Variants in CATSPERG observed in about 807,000 individuals in gnomAD.
CATSPERG encodes cation channel sperm-associated auxiliary subunit gamma.
CATSPERG carries 115 observed loss-of-function variants against 145.0 expected under a neutral mutation model. That is an observed-to-expected ratio of 0.79 (90% CI 0.68 to 0.93). CATSPERG has a LOEUF of 0.93. Among genes scored for constraint, CATSPERG ranks in the 40% least tolerant of loss-of-function variants. The pLI is 0.00. For synonymous variants in CATSPERG, 588 were observed against 589.0 expected (o/e 1.00, Z 0.02); for missense variants, 1,296 against 1,490.1 (o/e 0.87, Z 2.14).
intron 7 of CATSPERG, among the ~76,000 whole-genome samples, chr19:38,347,517 A>G (rs1970060907): frequency 6.6e-6 from 1 of 152,236 alleles, no homozygotes. Flanking sequence ...GAGAGCCTAT[A>G]TTATCCCAGA....
intron 8 of CATSPERG, among the ~76,000 whole-genome samples, chr19:38,352,970 G>T (rs1970171632): frequency 6.7e-6 from 1 of 148,850 alleles, no homozygotes; most frequent in Admixed American, 6.8e-5. Flanking sequence ...TGAGGCTGCA[G>T]TGAGCTATGA....
chr19:38,351,937 G>A (rs146046733), intron 7 of CATSPERG, among the ~76,000 whole-genome samples: 53 of 152,218 alleles, frequency 3.5e-4, no homozygotes, highest in African/African-American at 9.9e-4. Flanking sequence ...GCGAGCATGG[G>A]GTGTTGTATC....
At chr19:38,337,905 C>A (rs112235607) in intron 3 of CATSPERG, 80 of 331,426 alleles carry the variant, frequency 2.4e-4, no homozygotes, top group African/African-American at 1.2e-3. Flanking sequence ...TTGGTAGAGA[C>A]AGGGTTTCAC....
chr19:38,341,657 T>G (rs1359595700), intron 3 of CATSPERG, among the ~76,000 whole-genome samples: 3 of 151,816 alleles, frequency 2.0e-5, no homozygotes. Context: ...ATCCCAGCAC[T>G]TTGGGAGGCC....
In CATSPERG at chr19:38,360,576, C is replaced by T. The variant is rs1336558133; in HGVS notation, c.1696C>T (p.Gln566Ter). The change falls in exon 15 of 29, where the codon CAA becomes TAA. Residue 566 changes from glutamine (Q) to a stop codon, truncating the protein, a stop_gained. Transcript: ENST00000409235. LOFTEE classifies it high-confidence loss of function. ...WQVHISLKLM[Q>*]QSSLYASNET... ...GGTGCACATCAGCTTAAAGCTGATG[C>T]AACAGTCCTCTCTCTACGCATCCAA... is the stretch of plus-strand genomic sequence containing the variant. The T allele has an allele frequency of 6.2e-7, 1 of 1,613,982 alleles. No individual in the cohort carries two copies. The highest frequency in any genetic ancestry group is 8.5e-7 in the Non-Finnish European group (1 of 1,179,954).
In CATSPERG at chr19:38,360,627, G is replaced by A. The variant is rs1267927482; in HGVS notation, c.1747G>A (p.Glu583Lys). ...TGAGACCATGCTGACCCTCTTCTAC[G>A]AAGACAGCAAACTGTACCAGGTGCC... is the stretch of plus-strand genomic sequence containing the variant. The part of the protein sequence containing the change: ...SNETMLTLFY[E>K]DSKLYQLVYL... Residue 583 changes from glutamate to lysine, a missense_variant, in exon 15 of 29, where the codon GAA (glutamate) becomes AAA (lysine). By Grantham distance (56) the Glu-to-Lys change is moderately conservative. Coordinates refer to ENST00000409235, the MANE Select transcript of CATSPERG (RefSeq NM_021185.5). The A allele has an allele frequency of 6.8e-6, 11 of 1,614,212 alleles. No homozygotes were observed. Among genetic ancestry groups the A allele is most frequent in the Non-Finnish European group, 8.5e-6 (10 of 1,180,038 alleles).
Position 38,344,870 on chromosome 19 carries a change from CACACACACACACAT to C in CATSPERG, c.669+504_669+517del, listed in dbSNP as rs1367693904. ...GTACATGAACAGACACACACACACACACACACACACACATATATATATATATATATATTTTTTTT... is the reference window on the plus strand; with the variant it reads ...GTACATGAACAGACACACACACACACATATATATATATATATATTTTTTTT... On this transcript the variant is annotated intron_variant, in intron 6 of 28. Transcript: ENST00000409235. Among the ~76,000 whole-genome samples the C allele has an allele frequency of 5.0e-3, 555 of 111,856 alleles. 26 individuals are homozygous for C. Among genetic ancestry groups the C allele is most frequent in the East Asian group, 0.046 (140 of 3,014 alleles). The allele number at this position is 111,856 out of a possible 152,430, so 73.4% of individuals were successfully genotyped here. A position where few individuals can be genotyped will look rare whatever the true frequency, so the allele number is the denominator to read the frequency against.
chr19:38,346,043 C>A (rs888683387), intron 6 of CATSPERG, among the ~76,000 whole-genome samples: 1 of 152,100 alleles, frequency 6.6e-6, no homozygotes, highest in Non-Finnish European at 1.5e-5. Context: ...GCGGTAAGCG[C>A]TCTGGAGAGA....
chr19:38,347,351 C>G (rs2145075144), intron 7 of CATSPERG, among the ~76,000 whole-genome samples: 1 of 152,170 alleles, frequency 6.6e-6, no homozygotes, highest in African/African-American at 2.4e-5. Context: ...GCACTCCAGC[C>G]TGGGCGACAG....
intron 4 of CATSPERG, 111 bp downstream of exon 4, chr19:38,343,835 C>A: frequency 7.1e-7 from 1 of 1,414,080 alleles, no homozygotes; most frequent in Non-Finnish European, 9.5e-7. Flanking sequence ...GGGAGCTCAG[C>A]ACATTCCATG....
chr19:38,367,580 C>T lies in CATSPERG; in HGVS notation c.2834+8C>T, dbSNP rs753350734. 1.2e-4 allele frequency: 193 copies of T among 1,613,862 alleles called. No homozygotes were observed. Among genetic ancestry groups the T allele is most frequent in the Middle Eastern group, 6.6e-4 (4 of 6,062 alleles). ...CGGCAGTTTCCAGGGCAGGTAAAGG[C>T]GTGGCCAGCTTGCAGCTAGGGCAGG... On this transcript the variant is annotated splice_region_variant and intron_variant, in intron 24 of 28. Coordinates refer to ENST00000409235, the MANE Select transcript of CATSPERG (RefSeq NM_021185.5).
At position 38,360,711 on chromosome 19, in the gene CATSPERG, G is replaced by A. The variant is rs569206310; in HGVS notation, c.1768-20G>A. 9.0e-5 allele frequency: 145 copies of A among 1,614,064 alleles called. No homozygotes were observed. In the Admixed American group the frequency reaches 2.1e-3, roughly 24 times the overall value. Reference sequence around the variant, plus strand: ...AGGAGGGCTGACCCCAGCTCACCTGGCCCTGCCTTCCCCCTGCAGCTGGTG... The same window carrying A: ...AGGAGGGCTGACCCCAGCTCACCTGACCCTGCCTTCCCCCTGCAGCTGGTG... On this transcript the variant is annotated intron_variant, in intron 15 of 28. Coordinates refer to ENST00000409235, the MANE Select transcript of CATSPERG (RefSeq NM_021185.5).
intron 6 of CATSPERG, among the ~76,000 whole-genome samples, chr19:38,345,400 C>T (rs952900143): frequency 3.9e-5 from 6 of 152,000 alleles, no homozygotes; most frequent in Non-Finnish European, 8.8e-5. Context: ...TACCATGTTG[C>T]CAGGGTGGTC....
At position 38,361,828 on chromosome 19, in the gene CATSPERG, C is replaced by T; in HGVS notation, c.2061C>T (p.Tyr687=). The T allele has an allele frequency of 6.2e-7, 1 of 1,612,128 alleles. No individual in the cohort carries two copies. The highest frequency in any genetic ancestry group is 8.5e-7 in the Non-Finnish European group (1 of 1,179,330). ...TCGCCATCTACCAGGGCCTGGTCTA[C>T]TACCTGCTGTGGCTGCACTCCGTGT... ...NSLAIYQGLV[Y]YLLWLHSVYD... is the part of the protein sequence containing the mutation. The change falls in exon 17 of 29, where the codon TAC becomes TAT. Residue 687 remains tyrosine (Y), a synonymous_variant. Coordinates refer to ENST00000409235, the MANE Select transcript of CATSPERG (RefSeq NM_021185.5).
At chr19:38,343,408 G>C (rs1275933402) in intron 3 of CATSPERG, among the ~76,000 whole-genome samples, 172 bp from the exon 4 acceptor site, 1 of 152,082 alleles carries the variant, frequency 6.6e-6, no homozygotes, top group African/African-American at 2.4e-5. Context: ...CTCCTAGGCT[G>C]TTCCATCCCC....
intron 11 of CATSPERG, 80 bp from the exon 12 acceptor site, chr19:38,358,198 G>A (rs1311802496): frequency 4.8e-6 from 7 of 1,449,350 alleles, no homozygotes; most frequent in Non-Finnish European, 6.8e-6. Context: ...AGGAGGCTGA[G>A]AAGCAAACAA....
chr19:38,362,617 G>T, intron 19 of CATSPERG, 43 bp downstream of exon 19: 1 of 1,610,418 alleles, frequency 6.2e-7, no homozygotes, highest in South Asian at 1.1e-5. Flanking sequence ...CGGGGCGAGG[G>T]CTACCAGAAT....
intron 11 of CATSPERG, 34 bp downstream of exon 11, chr19:38,356,895 G>A: frequency 1.2e-6 from 2 of 1,609,782 alleles, no homozygotes; most frequent in South Asian, 1.1e-5. Flanking sequence ...TGGGCACAAA[G>A]GGGCAGGATC....
chr19:38,356,935 G>A, intron 11 of CATSPERG, 74 bp downstream of exon 11: 1 of 1,578,648 alleles, frequency 6.3e-7, no homozygotes. Context: ...CCCATCCTGA[G>A]GGATCTGTGC....
Sources: gnomAD v4.1 joint callset for allele counts (sites outside exome capture counted in the v4.1 genomes callset) on GRCh38, gnomAD v4.1.1 for gene constraint, MANE v1.5 for transcripts, NCBI Gene and HGNC (gene_info 2026-07-23, HGNC 2026-07-21) for gene names.